Variants in RANGAP1 observed in about 807,000 individuals in gnomAD.
The protein encoded by RANGAP1 is ran GTPase-activating protein 1.
In RANGAP1, 38 loss-of-function variants were observed where a neutral mutation model predicts 63.5. The observed-to-expected ratio is 0.60, with a 90% CI of 0.46 to 0.78. The LOEUF (loss-of-function observed/expected upper bound fraction) is 0.78, where lower values mean the gene tolerates loss of function less well. RANGAP1 is among the 30% of genes least tolerant of loss of function. The pLI is 0.00. For synonymous variants in RANGAP1, 329 were observed against 310.5 expected (o/e 1.06, Z -0.63); for missense variants, 630 against 740.3 (o/e 0.85, Z 1.73).
chr22:41,269,582 A>G (rs2034674275), intron 3 of RANGAP1, among the ~76,000 whole-genome samples: 1 of 152,004 alleles, frequency 6.6e-6, no homozygotes, highest in East Asian at 1.9e-4. Flanking sequence ...TAAAAGTATA[A>G]AAATTAGCCG....
At chr22:41,251,136 C>T (rs750731016) in intron 12 of RANGAP1, 27 bp from the exon 13 acceptor site, 2 of 1,593,904 alleles carry the variant, frequency 1.3e-6, no homozygotes, top group Non-Finnish European at 1.7e-6. Flanking sequence ...CAATGGTTGG[C>T]CTGTGGCACG....
intron 1 of RANGAP1, 100 bp downstream of exon 1, chr22:41,285,886 G>GA (rs1374375158): frequency 5.3e-6 from 1 of 188,096 alleles, no homozygotes; most frequent in Non-Finnish European, 9.9e-6. Flanking sequence ...GAAGAAGGCC[G>GA]AGGGGGCAGG....
the RANGAP1 span, among the ~76,000 whole-genome samples, chr22:41,294,606 G>T: frequency 7.1e-6 from 1 of 141,614 alleles, no homozygotes; most frequent in African/African-American, 2.7e-5. Flanking sequence ...TAGGAAGTGA[G>T]GAGCGCCTCT....
rs1203308516 is a variant in RANGAP1, at chr22:41,246,402, A to G, written c.*201T>C. 1.8e-6 allele frequency: 1 copy of G among 566,746 alleles called. No homozygotes were observed. Among genetic ancestry groups the G allele is most frequent in the Non-Finnish European group, 3.1e-6 (1 of 322,366 alleles). The allele number at this position is 566,746 out of a possible 1,614,324, so 35.1% of individuals were successfully genotyped here. ...GGGCCAGCAGAAGACGTTAAAACCC[A>G]AATCCCGACAGGAGGCACAGACCTG... is the stretch of plus-strand genomic sequence containing the variant. On this transcript the variant is annotated 3_prime_UTR_variant, in exon 16 of 16. Transcript: ENST00000356244.
Position 41,257,714 on chromosome 22 carries a change from G to A in RANGAP1, c.774+234C>T, listed in dbSNP as rs140636543. On this transcript the variant is annotated intron_variant, in intron 7 of 15. Transcript: ENST00000356244. This position sits in a 1 kb window ranked among gnomAD's most constrained non-coding sequence, Gnocchi z 4.0. ...GGCAGCCGCTGGGGGCTGCAGAGGC[G>A]GCTCAGGAGAAGGTGGCATGAAGAA... is the stretch of plus-strand genomic sequence containing the variant. Among the ~76,000 whole-genome samples, 1,636 of 152,350 alleles carry A rather than the reference G, an allele frequency of 0.011. 13 individuals carry two copies. The highest frequency in any genetic ancestry group is 0.024 in the Middle Eastern group (7 of 294).
intron 11 of RANGAP1, among the ~76,000 whole-genome samples, chr22:41,253,215 G>A (rs1569174709): frequency 6.6e-6 from 1 of 152,154 alleles, no homozygotes; most frequent in Non-Finnish European, 1.5e-5. Context: ...GGGTGAGGGG[G>A]AAGCTACCTC....
intron 3 of RANGAP1, 101 bp from the exon 4 acceptor site, chr22:41,268,257 C>CT: frequency 9.7e-7 from 1 of 1,032,534 alleles, no homozygotes; most frequent in Non-Finnish European, 1.5e-6. Flanking sequence ...CATCACAAGA[C>CT]TTTTTTCTTT....
intron 4 of RANGAP1, among the ~76,000 whole-genome samples, chr22:41,266,963 C>A (rs1052545526): frequency 4.7e-5 from 7 of 150,012 alleles, no homozygotes; most frequent in Admixed American, 4.0e-4. Context: ...TCACTGCAAC[C>A]TCCACCTCCT....
At chr22:41,297,849 C>T in the RANGAP1 span, among the ~76,000 whole-genome samples, 1 of 151,322 alleles carries the variant, frequency 6.6e-6, no homozygotes, top group African/African-American at 2.4e-5. Flanking sequence ...CACCACCACG[C>T]CCAGCTAATT....
At chr22:41,279,774 C>G (rs1015590364) in intron 2 of RANGAP1, among the ~76,000 whole-genome samples, 15 of 148,006 alleles carry the variant, frequency 1.0e-4, no homozygotes, top group East Asian at 9.8e-4. Flanking sequence ...TACACTCCAG[C>G]CTGGGTGGCA....
At chr22:41,299,988 T>C in the RANGAP1 span, among the ~76,000 whole-genome samples, 2 of 151,380 alleles carry the variant, frequency 1.3e-5, no homozygotes, top group African/African-American at 4.9e-5. Context: ...CCTGACCTCA[T>C]GATCCGCCCG....
At chr22:41,247,895 CA>C (rs1017621805) in intron 15 of RANGAP1, among the ~76,000 whole-genome samples, 3 of 152,198 alleles carry the variant, frequency 2.0e-5, no homozygotes, top group African/African-American at 7.2e-5. Context: ...GGACAAGACC[CA>C]GGGGGCAGAC....
chr22:41,301,143 T>C, the RANGAP1 span, among the ~76,000 whole-genome samples: 1 of 152,104 alleles, frequency 6.6e-6, no homozygotes, highest in Non-Finnish European at 1.5e-5. Context: ...CTGATTCTTC[T>C]ATGTGTCTCC....
chr22:41,256,367 C>T, intron 8 of RANGAP1, 77 bp from the exon 9 acceptor site: 1 of 1,427,064 alleles, frequency 7.0e-7, no homozygotes, highest in Middle Eastern at 1.8e-4. Flanking sequence ...GCCTCAGTTT[C>T]CCCAAGTGAG....
In RANGAP1 at chr22:41,264,865, G is replaced by A. The variant is rs2034376745; in HGVS notation, c.301-22C>T. On this transcript the variant is annotated intron_variant, in intron 4 of 15. Coordinates refer to ENST00000356244, the MANE Select transcript of RANGAP1 (RefSeq NM_002883.4). ...AGATCTGGGCACAGAGGAAGCTCGTGTCAGTTTCATAGACACCCAGCTTCT... is the reference window on the plus strand; with the variant it reads ...AGATCTGGGCACAGAGGAAGCTCGTATCAGTTTCATAGACACCCAGCTTCT... 3 of 1,583,814 alleles carry A rather than the reference G, an allele frequency of 1.9e-6. No homozygotes were observed. The African/African-American group carries it at 4.0e-5, about 21-fold the overall frequency.
chr22:41,249,602 C>T (rs2033294009), intron 14 of RANGAP1, 127 bp downstream of exon 14: 1 of 1,522,738 alleles, frequency 6.6e-7, no homozygotes, highest in Admixed American at 1.8e-5. Flanking sequence ...CAGACCCAGG[C>T]CTCGGGGCCC....
intron 12 of RANGAP1, 126 bp downstream of exon 12, chr22:41,252,746 G>A (rs990770522): frequency 3.4e-6 from 4 of 1,177,758 alleles, no homozygotes. Flanking sequence ...AACAGTGGCA[G>A]GCCAAGCCTC....
chr22:41,281,015 T>G lies in RANGAP1; in HGVS notation c.30A>C (p.Ala10=), dbSNP rs1370411940. 6.2e-7 allele frequency: 1 copy of G among 1,610,804 alleles called. No individual in the cohort carries two copies. Residue 10 remains alanine, a synonymous_variant, in exon 2 of 16, where the codon GCA becomes GCC. Transcript: ENST00000356244. MASEDIAKL[A]ETLAKTQVAG... ...CCACCTGAGTCTTGGCAAGTGTCTC[T>G]GCCAGCTTGGCAATGTCTTCCGAGG... is the stretch of plus-strand genomic sequence containing the variant.
chr22:41,250,400 G>A (rs2033363060), intron 13 of RANGAP1, among the ~76,000 whole-genome samples: 1 of 152,110 alleles, frequency 6.6e-6, no homozygotes, highest in South Asian at 2.1e-4. Flanking sequence ...CGTCCCCCTC[G>A]CCTCAGGGCC....
Sources: allele counts gnomAD v4.1 joint callset (sites outside exome capture counted in the v4.1 genomes callset), GRCh38; gene constraint gnomAD v4.1.1; non-coding constraint Gnocchi (gnomAD v3.1); transcripts MANE v1.5; gene names NCBI Gene and HGNC (gene_info 2026-07-23, HGNC 2026-07-21).